The following ANKRD36 variants were observed in gnomAD, a reference collection of about 807,000 sequenced individuals.
ANKRD36 encodes ankyrin repeat domain 36.
In ANKRD36, 179 loss-of-function variants were observed where a neutral mutation model predicts 278.1. The ratio of observed to expected loss-of-function variants is 0.64; its 90% CI spans 0.57 to 0.73. The LOEUF is 0.73. Ranked by LOEUF, ANKRD36 falls within the 30% of genes least tolerant of loss-of-function variation. The probability of loss-of-function intolerance (pLI) is 0.00; values close to 1 mark genes in which losing one functional copy is unlikely to be tolerated. For synonymous variants in ANKRD36, 320 were observed against 641.1 expected (o/e 0.50, Z 7.57); for missense variants, 1,159 against 1,956.7 (o/e 0.59, Z 7.69).
At chr2:97,219,373 C>T (rs1252117040) in intron 66 of ANKRD36, 127 bp downstream of exon 66, 1 of 1,259,900 alleles carries the variant, frequency 7.9e-7, no homozygotes, top group Non-Finnish European at 1.1e-6. Context: ...CTAAATAATG[C>T]AGCTGTTATC....
At chr2:97,186,831 CAT>C (rs1392750868) in intron 30 of ANKRD36, among the ~76,000 whole-genome samples, 1 of 151,836 alleles carries the variant, frequency 6.6e-6, no homozygotes, top group African/African-American at 2.4e-5. Context: ...GCATAAAAGA[CAT>C]GTGGGTGCAT....
At chr2:97,130,365 A>C (rs866681353) in intron 6 of ANKRD36, among the ~76,000 whole-genome samples, 1 of 147,254 alleles carries the variant, frequency 6.8e-6, no homozygotes, top group Non-Finnish European at 1.5e-5. Context: ...CAAACACTGC[A>C]TGTTCTCACT....
At chr2:97,201,189 C>T (rs1171765808) in intron 46 of ANKRD36, among the ~76,000 whole-genome samples, 7 of 151,880 alleles carry the variant, frequency 4.6e-5, no homozygotes, top group Non-Finnish European at 5.9e-5. Flanking sequence ...CTCTTTGTTA[C>T]TACTAGGCAT....
chr2:97,192,928 G>A (rs1402172848), intron 37 of ANKRD36, 42 bp downstream of exon 37: 34 of 1,599,718 alleles, frequency 2.1e-5, no homozygotes, highest in Non-Finnish European at 2.9e-5. Context: ...GTTAAGGTAT[G>A]GTCTATGAAA....
At chr2:97,192,930 T>C in intron 37 of ANKRD36, 44 bp downstream of exon 37, 1 of 1,599,188 alleles carries the variant, frequency 6.3e-7, no homozygotes, top group Non-Finnish European at 8.5e-7. Flanking sequence ...TAAGGTATGG[T>C]CTATGAAACA....
chr2:97,187,494 G>GGGGGA lies in ANKRD36; in HGVS notation c.2143+93_2143+94insGGGGA. The GGGGGA allele has an allele frequency of 6.3e-5, 6 of 95,518 alleles. 1 individual carries two copies. Among genetic ancestry groups the GGGGGA allele is most frequent in the Admixed American group, 3.0e-4 (2 of 6,662 alleles). The allele number at this position is 95,518 out of a possible 1,614,324, so 5.9% of individuals were successfully genotyped here. A position where few individuals can be genotyped will look rare whatever the true frequency, so the allele number is the denominator to read the frequency against. On this transcript the variant is annotated intron_variant, in intron 32 of 75. Transcript: ENST00000420699. ...AAATCAGCGGAGGGCGGGTGGGGGG[G>GGGGGA]CTCGCCGAAGCTGCACATTCTGATC... is the stretch of plus-strand genomic sequence containing the variant.
chr2:97,189,112 G>A lies in ANKRD36; in HGVS notation c.2169G>A (p.Leu723=). 1 of 759,292 alleles carries A rather than the reference G, an allele frequency of 1.3e-6. No individual in the cohort carries two copies. The highest frequency in any genetic ancestry group is 2.2e-6 in the Non-Finnish European group (1 of 447,654). 47.0% of individuals were successfully genotyped at this position (759,292 alleles called of 1,614,324 possible). A position where few individuals can be genotyped will look rare whatever the true frequency, so the allele number is the denominator to read the frequency against. ...TGTCTTCTCAGAAGCAACCAGCCTT[G>A]AAGGTAATTAAACTCTCGTTTACAT... is the stretch of plus-strand genomic sequence containing the variant. The part of the protein sequence containing the change: ...GTVSSQKQPA[L]KATTDEEDSV... Residue 723 remains leucine (L), a synonymous_variant, in exon 33 of 76, where the codon TTG becomes TTA. Transcript: ENST00000420699.
rs373724491 is a variant in ANKRD36 at position 97,207,790 on chromosome 2, T to G, written c.3164-21T>G. ...TGTCATTTTTACACATGAGTGATTA[T>G]GAATCCCTTTTACTTTTCAGTGTCT... On this transcript the variant is annotated intron_variant, in intron 52 of 75. Coordinates refer to ENST00000420699, the MANE Select transcript of ANKRD36 (RefSeq NM_001354587.1). 7.1e-5 allele frequency: 110 copies of G among 1,545,274 alleles called. 2 individuals carry two copies. Among genetic ancestry groups the G allele is most frequent in the Admixed American group, 3.5e-4 (18 of 50,870 alleles).
chr2:97,150,899 T>G (rs2045786482), intron 12 of ANKRD36, among the ~76,000 whole-genome samples: 1 of 148,912 alleles, frequency 6.7e-6, no homozygotes, highest in Non-Finnish European at 1.5e-5. Flanking sequence ...TCCCCCTCTC[T>G]CTCTCTGTAG....
intron 28 of ANKRD36, among the ~76,000 whole-genome samples, chr2:97,184,685 T>A (rs2057012005): frequency 6.6e-6 from 1 of 151,696 alleles, no homozygotes; most frequent in Admixed American, 6.6e-5. Flanking sequence ...TGAAGAAAAT[T>A]ACTGAAGGCT....
chr2:97,134,407 T>TA (rs2040952711), intron 6 of ANKRD36, among the ~76,000 whole-genome samples: 2 of 152,072 alleles, frequency 1.3e-5, no homozygotes, highest in African/African-American at 4.8e-5. Flanking sequence ...TGGGTCCAGA[T>TA]AGACTAGCAG....
At chr2:97,207,386 C>G (rs2063157474) in intron 52 of ANKRD36, among the ~76,000 whole-genome samples, 2 of 151,412 alleles carry the variant, frequency 1.3e-5, no homozygotes, top group Non-Finnish European at 3.0e-5. Flanking sequence ...AGTTAAAGAG[C>G]ATGATGAATG....
At chr2:97,125,130 A>G (rs959359979) in intron 5 of ANKRD36, among the ~76,000 whole-genome samples, 1 of 151,190 alleles carries the variant, frequency 6.6e-6, no homozygotes, top group Non-Finnish European at 1.5e-5. Context: ...CTTTGTTTTC[A>G]TTGATTCTGT....
chr2:97,163,077 C>T (rs1402980503), intron 18 of ANKRD36, among the ~76,000 whole-genome samples: 1 of 152,290 alleles, frequency 6.6e-6, no homozygotes, highest in East Asian at 1.9e-4. Flanking sequence ...ACCATCCTGG[C>T]TAACATGGTG....
At chr2:97,207,882 G>C (rs756344192) in intron 53 of ANKRD36, 43 bp downstream of exon 53, 2 of 1,543,126 alleles carry the variant, frequency 1.3e-6, no homozygotes, top group South Asian at 2.4e-5. Flanking sequence ...TAAATGTATA[G>C]TCTATGAAAC....
intron 26 of ANKRD36, among the ~76,000 whole-genome samples, 193 bp downstream of exon 26, chr2:97,181,986 C>G (rs1206468342): frequency 6.6e-6 from 1 of 151,428 alleles, no homozygotes; most frequent in Non-Finnish European, 1.5e-5. Flanking sequence ...ATAGACTTCC[C>G]CACATTGAAA....
rs752874400 is a variant in ANKRD36 at position 97,118,074 on chromosome 2, C to G, written c.208C>G (p.His70Asp). The stretch of plus-strand genomic sequence containing the variant: ...CTGTCACTCTCACAGGACCGCCCTA[C>G]ATTTGGCCTGTGCCACTGGCCAACC... ...KRDRKERTAL[H>D]LACATGQPEM... The change falls in exon 2 of 76, where the codon CAT (histidine) becomes GAT (aspartate). Residue 70 changes from histidine to aspartate, a missense_variant. Coordinates refer to ENST00000420699, the MANE Select transcript of ANKRD36 (RefSeq NM_001354587.1). 6.5e-5 allele frequency: 101 copies of G among 1,554,308 alleles called. 1 individual carries two copies. In the Admixed American group the frequency reaches 1.9e-3, roughly 30 times the overall value.
rs558750084 is a variant in ANKRD36, at chr2:97,181,646, T to C, written c.1764+20T>C. On this transcript the variant is annotated intron_variant, in intron 25 of 75. Transcript: ENST00000420699. ...GAGAAGGTAATTAAAGTCTCATTTATATGTTGAACTATTAACTGTATAGTC... is the reference window on the plus strand; with the variant it reads ...GAGAAGGTAATTAAAGTCTCATTTACATGTTGAACTATTAACTGTATAGTC... The C allele has an allele frequency of 3.2e-4, 517 of 1,603,084 alleles. 13 individuals are homozygous for C. The South Asian group carries it at 5.4e-3, about 17-fold the overall frequency.
At chr2:97,195,991 G>A (rs1345004356) in intron 40 of ANKRD36, among the ~76,000 whole-genome samples, 1 of 151,952 alleles carries the variant, frequency 6.6e-6, no homozygotes, top group Non-Finnish European at 1.5e-5. Context: ...AGAAACTTAA[G>A]CAAATTATTA....
Sources: gnomAD v4.1 joint callset for allele counts (sites outside exome capture counted in the v4.1 genomes callset) on GRCh38, gnomAD v4.1.1 for gene constraint, MANE v1.5 for transcripts, NCBI Gene and HGNC (gene_info 2026-07-23, HGNC 2026-07-21) for gene names.